Variants in CHN2 observed in about 807,000 individuals in gnomAD.
The protein encoded by CHN2 is chimerin 2, also known as beta-chimaerin.
A neutral mutation model predicts 56.3 loss-of-function variants in CHN2; 35 were observed. The observed-to-expected ratio is 0.62, with a 90% CI of 0.47 to 0.82. The LOEUF (loss-of-function observed/expected upper bound fraction) is 0.82, where lower values mean the gene tolerates loss of function less well. CHN2 is among the 40% of genes least tolerant of loss of function. CHN2 has a pLI of 0.00. For synonymous variants in CHN2, 210 were observed against 212.8 expected (o/e 0.99, Z 0.12); for missense variants, 491 against 580.5 (o/e 0.85, Z 1.58).
Position 29,232,192 on chromosome 7 carries a change from A to G in CHN2, c.49+37202A>G, listed in dbSNP as rs138060896. ...TTTATGAGGACTTCATTAGGAGACAATAGATTCAGGACCCTGCTGTCATTT... is the reference window on the plus strand; with the variant it reads ...TTTATGAGGACTTCATTAGGAGACAGTAGATTCAGGACCCTGCTGTCATTT... On this transcript the variant is annotated intron_variant, in intron 1 of 12. Transcript: ENST00000222792. Among the ~76,000 whole-genome samples, 26 of 152,336 alleles carry G rather than the reference A, an allele frequency of 1.7e-4. No individual in the cohort carries two copies. The East Asian group carries it at 4.8e-3, about 28-fold the overall frequency.
intron 1 of CHN2, among the ~76,000 whole-genome samples, chr7:29,252,292 G>A (rs1788617961): frequency 6.7e-6 from 1 of 148,770 alleles, no homozygotes; most frequent in Admixed American, 6.8e-5. Context: ...AGGTTCACGA[G>A]ATTCTTCTGC....
At chr7:29,410,447 G>GT (rs199828216) in intron 6 of CHN2, among the ~76,000 whole-genome samples, 23 of 151,184 alleles carry the variant, frequency 1.5e-4, no homozygotes, top group Non-Finnish European at 1.9e-4. Context: ...TTGATTAAAG[G>GT]TTTTTTTTTA....
chr7:29,252,784 A>T (rs1788742018), intron 1 of CHN2, among the ~76,000 whole-genome samples: 1 of 123,600 alleles, frequency 8.1e-6, no homozygotes, highest in Non-Finnish European at 1.6e-5. Flanking sequence ...TTTAGTAGAG[A>T]CGGGGTTTCA....
chr7:29,435,274 C>T (rs1783136841), intron 6 of CHN2, among the ~76,000 whole-genome samples: 3 of 152,172 alleles, frequency 2.0e-5, no homozygotes, highest in African/African-American at 4.8e-5. Flanking sequence ...GGGCTCTGGA[C>T]CAGAGACCAA....
At chr7:29,237,319 G>A (rs1193969872) in intron 1 of CHN2, among the ~76,000 whole-genome samples, 1 of 151,922 alleles carries the variant, frequency 6.6e-6, no homozygotes, top group African/African-American at 2.4e-5. Flanking sequence ...TGCCTTTGCA[G>A]GTCTGTAAAT....
chr7:29,361,064 A>G (rs17157814), intron 2 of CHN2, among the ~76,000 whole-genome samples: 4,449 of 152,284 alleles, frequency 0.029, 239 homozygotes, highest in African/African-American at 0.1. Context: ...GGGGCTGGGA[A>G]TTCCTGGCAC....
chr7:29,414,897 C>A (rs541037860), intron 6 of CHN2, among the ~76,000 whole-genome samples: 64 of 152,142 alleles, frequency 4.2e-4, no homozygotes, highest in African/African-American at 1.5e-3. Context: ...GTGGACCAAT[C>A]CTGGGCATAT....
At chr7:29,229,485 T>C (rs779605434) in intron 1 of CHN2, among the ~76,000 whole-genome samples, 46 of 152,342 alleles carry the variant, frequency 3.0e-4, no homozygotes, top group Middle Eastern at 3.4e-3. Context: ...AAGATCTAGA[T>C]AGAAAGAATG....
intron 1 of CHN2, among the ~76,000 whole-genome samples, chr7:29,352,355 G>GTGTGTGTGTGTGTGTC (rs1797946009): frequency 1.3e-5 from 2 of 149,728 alleles, no homozygotes; most frequent in African/African-American, 5.0e-5. Context: ...TCTGTCGTGT[G>GTGTGTGTGTGTGTGTC]TGTGTGTGTG....
intron 1 of CHN2, among the ~76,000 whole-genome samples, chr7:29,236,518 C>T (rs1209646842): frequency 2.6e-5 from 4 of 152,208 alleles, no homozygotes; most frequent in Admixed American, 6.5e-5. Flanking sequence ...TGTGATTTCA[C>T]ACACAACTGC....
chr7:29,458,418 C>CAA (rs1491184279), intron 6 of CHN2, among the ~76,000 whole-genome samples: 1 of 148,118 alleles, frequency 6.8e-6, no homozygotes, highest in Non-Finnish European at 1.5e-5. Flanking sequence ...CACACACACA[C>CAA]CCCATGCATT....
At chr7:29,473,301 C>A (rs1004760182) in intron 6 of CHN2, among the ~76,000 whole-genome samples, 6 of 152,116 alleles carry the variant, frequency 3.9e-5, no homozygotes, top group African/African-American at 1.4e-4. Context: ...TCTTTTCTGG[C>A]AATCCCCTTG....
chr7:29,263,723 C>T (rs1429587671), intron 1 of CHN2, among the ~76,000 whole-genome samples: 12 of 151,392 alleles, frequency 7.9e-5, no homozygotes, highest in Middle Eastern at 6.8e-3. Flanking sequence ...GGCCGCCCAT[C>T]ATCTGGGATG....
At chr7:29,458,597 G>C (rs190893782) in intron 6 of CHN2, among the ~76,000 whole-genome samples, 1 of 152,228 alleles carries the variant, frequency 6.6e-6, no homozygotes, top group East Asian at 1.9e-4. Context: ...GATGGAAAGT[G>C]GTCCTAGCTA....
chr7:29,382,204 C>T (rs911572985), intron 3 of CHN2, among the ~76,000 whole-genome samples: 3 of 152,204 alleles, frequency 2.0e-5, no homozygotes, highest in African/African-American at 7.2e-5. Context: ...TGTGAATCAA[C>T]TCTTAACAGT....
At chr7:29,161,534 G>A (rs899962240) in intron 2 of CHN2, among the ~76,000 whole-genome samples, 7 of 151,964 alleles carry the variant, frequency 4.6e-5, no homozygotes, top group Non-Finnish European at 1.0e-4. Flanking sequence ...TCATGCTCCT[G>A]GTCCTGGTTA....
chr7:29,291,471 A>T (rs1473532979), intron 1 of CHN2, among the ~76,000 whole-genome samples: 1 of 152,130 alleles, frequency 6.6e-6, no homozygotes, highest in East Asian at 1.9e-4. Context: ...TTTTATGTAC[A>T]TATATACATG....
chr7:29,447,802 C>G (rs763092105), intron 6 of CHN2, among the ~76,000 whole-genome samples: 1 of 152,120 alleles, frequency 6.6e-6, no homozygotes, highest in Non-Finnish European at 1.5e-5. Context: ...AAGTTGTGCA[C>G]TTAAAATATG....
At chr7:29,146,737 G>C (rs1235515020) in exon 1 of CHN2, 4 of 1,550,446 alleles carry the variant, frequency 2.6e-6, no homozygotes, top group Non-Finnish European at 3.5e-6. Flanking sequence ...TCGGCGGGGT[G>C]CCATTCAGGT....
Sources: gnomAD v4.1 joint callset for allele counts (sites outside exome capture counted in the v4.1 genomes callset) on GRCh38, gnomAD v4.1.1 for gene constraint, MANE v1.5 for transcripts, NCBI Gene and HGNC (gene_info 2026-07-23, HGNC 2026-07-21) for gene names.